The following TMTC2 variants were observed in gnomAD, a reference collection of about 807,000 sequenced individuals.
TMTC2 encodes the protein transmembrane O-mannosyltransferase targeting cadherins 2, also known as protein O-mannosyl-transferase TMTC2.
In TMTC2, 43 loss-of-function variants were observed where a neutral mutation model predicts 82.4. That is an observed-to-expected ratio of 0.52 (90% CI 0.41 to 0.67). The LOEUF is 0.67. Among genes scored for constraint, TMTC2 ranks in the 30% least tolerant of loss-of-function variants. The probability of loss-of-function intolerance (pLI) is 0.00; values close to 1 mark genes in which losing one functional copy is unlikely to be tolerated. For synonymous variants in TMTC2, 408 were observed against 381.9 expected, an observed-to-expected ratio of 1.07 and a Z score of -0.80; for missense variants, 919 against 1,012.4, an observed-to-expected ratio of 0.91 and a Z score of 1.25.
chr12:83,017,479 G>T (rs1242229232), intron 8 of TMTC2, among the ~76,000 whole-genome samples: 1 of 152,126 alleles, frequency 6.6e-6, no homozygotes, highest in Non-Finnish European at 1.5e-5. Context: ...CCTTTGATGT[G>T]CACCGTTACC....
chr12:82,991,697 T>A (rs1158280203), intron 8 of TMTC2, among the ~76,000 whole-genome samples: 1 of 152,226 alleles, frequency 6.6e-6, no homozygotes, highest in Non-Finnish European at 1.5e-5. Flanking sequence ...AAAATTGTGA[T>A]TTATTCCTTG....
intron 1 of TMTC2, among the ~76,000 whole-genome samples, chr12:82,748,881 A>G (rs1875828381): frequency 6.6e-6 from 1 of 152,212 alleles, no homozygotes; most frequent in Admixed American, 6.5e-5. Context: ...CCATCACAAA[A>G]AGAATCACAC....
At chr12:83,032,293 A>G (rs1881472973) in intron 9 of TMTC2, among the ~76,000 whole-genome samples, 2 of 122,736 alleles carry the variant, frequency 1.6e-5, no homozygotes, top group Non-Finnish European at 3.4e-5. Flanking sequence ...ATATATATAT[A>G]TAGGTTTGTC....
chr12:83,030,834 G>C lies in TMTC2; in HGVS notation c.2107G>C (p.Ala703Pro). The C allele has an allele frequency of 1.2e-6, 2 of 1,613,704 alleles. No homozygotes were observed. Among genetic ancestry groups the C allele is most frequent in the Non-Finnish European group, 1.7e-6 (2 of 1,179,726 alleles). Reference sequence around the variant, plus strand: ...TGAGGCTGAAAAGCTCTTCTTGAAGGCTATTGAGCTGGATCCCACCAAAGG... The same window carrying C: ...TGAGGCTGAAAAGCTCTTCTTGAAGCCTATTGAGCTGGATCCCACCAAAGG... ...KSEAEKLFLK[A>P]IELDPTKGNC... is the part of the protein sequence containing the mutation. Residue 703 changes from alanine to proline, a missense_variant, in exon 9 of 12, where the codon GCT (alanine) becomes CCT (proline). Coordinates refer to ENST00000321196, the MANE Select transcript of TMTC2 (RefSeq NM_152588.3).
chr12:82,948,140 A>G (rs1877129615), intron 4 of TMTC2, among the ~76,000 whole-genome samples: 1 of 152,208 alleles, frequency 6.6e-6, no homozygotes, highest in Non-Finnish European at 1.5e-5. Context: ...CCAAGGCACG[A>G]GGGTCACTTG....
chr12:82,768,600 G>T (rs1565742117), intron 1 of TMTC2, among the ~76,000 whole-genome samples: 1 of 151,890 alleles, frequency 6.6e-6, no homozygotes, highest in Non-Finnish European at 1.5e-5. Flanking sequence ...AGTGAGTCTG[G>T]TTTTTTCGAC....
chr12:82,773,854 T>G (rs1877442832), intron 1 of TMTC2, among the ~76,000 whole-genome samples: 1 of 152,128 alleles, frequency 6.6e-6, no homozygotes, highest in South Asian at 2.1e-4. Context: ...ATTTTTTTCT[T>G]TTTTCTTTTA....
intron 8 of TMTC2, among the ~76,000 whole-genome samples, chr12:83,002,800 A>G (rs1429377802): frequency 7.7e-6 from 1 of 130,226 alleles, no homozygotes; most frequent in African/African-American, 2.7e-5. Flanking sequence ...TTTTAAATTT[A>G]TTGAGACTTG....
chr12:82,809,905 T>A (rs1437121982), intron 1 of TMTC2, among the ~76,000 whole-genome samples: 2 of 152,178 alleles, frequency 1.3e-5, no homozygotes, highest in Non-Finnish European at 2.9e-5. Context: ...GTTTTTTATT[T>A]GAAGGAAATA....
chr12:82,732,405 C>T (rs1008490174), intron 1 of TMTC2, among the ~76,000 whole-genome samples: 7 of 151,942 alleles, frequency 4.6e-5, no homozygotes, highest in Non-Finnish European at 7.4e-5. Context: ...TGCAGTGGCG[C>T]GATCTCGGCT....
intron 1 of TMTC2, among the ~76,000 whole-genome samples, chr12:82,836,448 A>G (rs1870045288): frequency 6.6e-6 from 1 of 152,168 alleles, no homozygotes; most frequent in Admixed American, 6.5e-5. Flanking sequence ...GGGACAAGGG[A>G]AGTCGTGGTT....
At chr12:82,799,306 C>T (rs1008531554) in intron 1 of TMTC2, among the ~76,000 whole-genome samples, 2 of 152,092 alleles carry the variant, frequency 1.3e-5, no homozygotes, top group African/African-American at 4.8e-5. Flanking sequence ...CTCCATGTTG[C>T]AGGAAGAGAG....
chr12:83,051,207 G>A (rs1882333020), intron 10 of TMTC2, among the ~76,000 whole-genome samples, 189 bp downstream of exon 10: 1 of 152,130 alleles, frequency 6.6e-6, no homozygotes, highest in Admixed American at 6.5e-5. Context: ...TGGCCCACGG[G>A]CCACATGTGA....
chr12:82,692,735 G>A (rs778350896), intron 1 of TMTC2, among the ~76,000 whole-genome samples: 2 of 152,194 alleles, frequency 1.3e-5, no homozygotes, highest in Non-Finnish European at 2.9e-5. Flanking sequence ...AAGTGTGGCA[G>A]CCTCCAAGGA....
intron 8 of TMTC2, among the ~76,000 whole-genome samples, chr12:83,004,729 T>A (rs965153514): frequency 2.2e-4 from 9 of 41,228 alleles, no homozygotes; most frequent in Non-Finnish European, 3.7e-4. Flanking sequence ...CGAATTTTTT[T>A]TTTTTTTTTT....
In TMTC2 at chr12:83,066,750, G is replaced by A. The variant is rs371826641; in HGVS notation, c.2331+4919G>A. 2.6e-5 allele frequency among the ~76,000 whole-genome samples: 4 copies of A among 151,932 alleles called. 1 individual carries two copies. The highest frequency in any genetic ancestry group is 9.6e-5 in the African/African-American group (4 of 41,496). On this transcript the variant is annotated intron_variant, in intron 11 of 11. Transcript: ENST00000321196. The stretch of plus-strand genomic sequence containing the variant: ...AAGATCTGATTAAGATAATTAGTTG[G>A]CCACCATATATGTTCCAAAATTTTG...
intron 1 of TMTC2, among the ~76,000 whole-genome samples, chr12:82,697,720 A>G (rs925737966): frequency 1.3e-5 from 2 of 152,228 alleles, no homozygotes; most frequent in African/African-American, 4.8e-5. Context: ...TCTTTGTAAG[A>G]TGACTGTGGG....
intron 2 of TMTC2, among the ~76,000 whole-genome samples, chr12:82,871,786 C>G (rs938766587): frequency 6.8e-5 from 10 of 147,294 alleles, no homozygotes; most frequent in Admixed American, 1.3e-4. Flanking sequence ...TTTTTTTCTC[C>G]TCAATGCTGC....
chr12:82,937,915 T>TA (rs1555199257), intron 4 of TMTC2, among the ~76,000 whole-genome samples: 3 of 33,042 alleles, frequency 9.1e-5, no homozygotes, highest in Admixed American at 8.9e-4. Flanking sequence ...AACCTTTTTT[T>TA]TTTTTTATTT....
Sources: allele counts gnomAD v4.1 joint callset (sites outside exome capture counted in the v4.1 genomes callset), GRCh38; gene constraint gnomAD v4.1.1; transcripts MANE v1.5; gene names NCBI Gene and HGNC (gene_info 2026-07-23, HGNC 2026-07-21).